CCNJL: variants seen among roughly 807,000 people sequenced by gnomAD.
The protein encoded by CCNJL is cyclin-J-like protein.
CCNJL carries 33 observed loss-of-function variants against 33.4 expected under a neutral mutation model. The observed-to-expected ratio is 0.99, with a 90% confidence interval of 0.75 to 1.32. The LOEUF is 1.32. CCNJL is among the 40% of genes most tolerant of loss of function. The pLI, the probability that CCNJL is intolerant of heterozygous loss-of-function variation, is 0.00. For missense variants in CCNJL, 512 were observed against 499.7 expected (o/e 1.02, Z -0.23); for synonymous variants, 227 against 220.9 (o/e 1.03, Z -0.24).
rs574039512 is a variant in CCNJL at position 160,253,765 on chromosome 5, G to A, written c.777C>T (p.Ala259=). The A allele has an allele frequency of 2.0e-5, 31 of 1,531,102 alleles. No homozygotes were observed. Among genetic ancestry groups the A allele is most frequent in the Admixed American group, 5.9e-5 (3 of 50,842 alleles). The allele number at this position is 1,531,102 out of a possible 1,614,324, so 94.8% of individuals were successfully genotyped here. A position where few individuals can be genotyped will look rare whatever the true frequency, so the allele number is the denominator to read the frequency against. The part of the protein sequence containing the change: ...VYDNVLKDAV[A]VKSQALAMVP... ...CCATTGCCAAGGCCTGGCTCTTGACGGCTACGGCATCCTTGAGGACGTTGT... is the reference window on the plus strand; with the variant it reads ...CCATTGCCAAGGCCTGGCTCTTGACAGCTACGGCATCCTTGAGGACGTTGT... Residue 259 remains alanine (A), a synonymous_variant, in exon 6 of 6, where the codon GCC becomes GCT. Transcript: ENST00000257536.
At chr5:160,310,557 G>A (rs1460240421) in intron 2 of CCNJL, among the ~76,000 whole-genome samples, 1 of 152,194 alleles carries the variant, frequency 6.6e-6, no homozygotes, top group Non-Finnish European at 1.5e-5. Flanking sequence ...GGGGGCTCAG[G>A]TACTGCACTA....
Position 160,253,134 on chromosome 5 carries a change from C to T in CCNJL, c.*244G>A. The T allele has an allele frequency of 2.5e-6, 1 of 406,920 alleles. No individual in the cohort carries two copies. 25.2% of individuals were successfully genotyped at this position (406,920 alleles called of 1,614,324 possible). A position where few individuals can be genotyped will look rare whatever the true frequency, so the allele number is the denominator to read the frequency against. The stretch of plus-strand genomic sequence containing the variant: ...GGGCCCCTGTGTGGGGGGACGGCCA[C>T]CAAGCCATCCTTTTGTACCCTAGCC... On this transcript the variant is annotated 3_prime_UTR_variant, in exon 6 of 6. Coordinates refer to ENST00000257536, the MANE Select transcript of CCNJL (RefSeq NM_001308173.3).
chr5:160,302,067 A>C (rs1411822231), intron 2 of CCNJL, among the ~76,000 whole-genome samples: 2 of 152,182 alleles, frequency 1.3e-5, no homozygotes, highest in Admixed American at 1.3e-4. Context: ...ATGAGTATAT[A>C]CATTTGTCAA....
Position 160,259,699 on chromosome 5 carries a change from TG to T in CCNJL, c.352del (p.Gln118ArgfsTer11). 6.2e-7 allele frequency: 1 copy of T among 1,614,216 alleles called. No homozygotes were observed. Reference sequence around the variant, plus strand: ...CTCCTTCTTGGTGAGGGTGAAGTTCTGGCTGCTCAGGATCCTCGTGCTGTTT... The same window carrying T: ...CTCCTTCTTGGTGAGGGTGAAGTTCTGCTGCTCAGGATCCTCGTGCTGTTT... ...QINSTRILSS[Q>X]NFTLTKKELL... On this transcript the variant is annotated frameshift_variant, in exon 4 of 6. Transcript: ENST00000257536. LOFTEE classifies it high-confidence loss of function.
intron 1 of CCNJL, among the ~76,000 whole-genome samples, chr5:160,338,918 G>A (rs1763716420): frequency 6.6e-6 from 1 of 152,058 alleles, no homozygotes; most frequent in Non-Finnish European, 1.5e-5. Context: ...AGCCTCCTGA[G>A]CAGCTGGGAT....
chr5:160,310,126 G>A (rs1763215764), intron 2 of CCNJL, among the ~76,000 whole-genome samples: 1 of 152,172 alleles, frequency 6.6e-6, no homozygotes, highest in Non-Finnish European at 1.5e-5. Context: ...CCTAAGCTAT[G>A]AGCAGAAATG....
In CCNJL at chr5:160,280,747, C is replaced by T. The variant is rs760052950; in HGVS notation, c.67-9G>A. On this transcript the variant is annotated splice_polypyrimidine_tract_variant and intron_variant, in intron 2 of 5. Coordinates refer to ENST00000257536, the MANE Select transcript of CCNJL (RefSeq NM_001308173.3). ...GTGGGCAGCTTCAGTTCCTGGAGGA[C>T]AGGCGGGGCGGAGGGGTGACGGTCA... The T allele has an allele frequency of 2.5e-6, 4 of 1,579,564 alleles. No homozygotes were observed. Among genetic ancestry groups the T allele is most frequent in the Non-Finnish European group, 3.4e-6 (4 of 1,161,020 alleles).
intron 2 of CCNJL, among the ~76,000 whole-genome samples, chr5:160,305,338 G>A (rs750260435): frequency 7.9e-5 from 12 of 152,100 alleles, no homozygotes; most frequent in Admixed American, 4.6e-4. Context: ...TTCGGCAAGC[G>A]GGGGGGCCCT....
upstream of CCNJL, among the ~76,000 whole-genome samples, chr5:160,317,301 G>T (rs1763391032): frequency 6.6e-6 from 1 of 152,168 alleles, no homozygotes; most frequent in Non-Finnish European, 1.5e-5. Context: ...TCAAAGCCTA[G>T]GACATTCATA....
intron 1 of CCNJL, among the ~76,000 whole-genome samples, chr5:160,334,715 G>A (rs1299954059): frequency 1.3e-5 from 2 of 152,132 alleles, no homozygotes; most frequent in African/African-American, 2.4e-5. Context: ...CGCTGTTGTC[G>A]AGCATTTCTC....
At chr5:160,300,680 A>G (rs1762893864) in intron 2 of CCNJL, among the ~76,000 whole-genome samples, 3 of 151,616 alleles carry the variant, frequency 2.0e-5, no homozygotes, top group Admixed American at 1.3e-4. Flanking sequence ...CGAGGTTCCC[A>G]CTCTTTTTTT....
chr5:160,320,788 CCTTTCTTTCTTT>C (rs70990723), intron 1 of CCNJL, among the ~76,000 whole-genome samples: 5,445 of 116,084 alleles, frequency 0.047, 166 homozygotes, highest in East Asian at 0.095. Context: ...TTCTTTCTTT[CCTTTCTTTCTTT>C]CTTTCTTTCT....
At chr5:160,304,015 T>A (rs1221983928) in intron 2 of CCNJL, among the ~76,000 whole-genome samples, 2 of 152,116 alleles carry the variant, frequency 1.3e-5, no homozygotes, top group Admixed American at 1.3e-4. Flanking sequence ...CCCTGGAGAT[T>A]GATGGGGTAC....
intron 1 of CCNJL, among the ~76,000 whole-genome samples, chr5:160,318,163 C>T (rs780779022): frequency 7.2e-5 from 11 of 152,054 alleles, no homozygotes; most frequent in Non-Finnish European, 1.5e-4. Context: ...ATTACAGGCA[C>T]GCACCACCAT....
chr5:160,264,354 C>T (rs1761483613), intron 3 of CCNJL, among the ~76,000 whole-genome samples: 1 of 152,050 alleles, frequency 6.6e-6, no homozygotes, highest in Non-Finnish European at 1.5e-5. Flanking sequence ...TAAGTGATGC[C>T]TCTTATGTGC....
chr5:160,297,468 G>T (rs1580999764), intron 2 of CCNJL, among the ~76,000 whole-genome samples: 2 of 152,230 alleles, frequency 1.3e-5, no homozygotes, highest in South Asian at 4.1e-4. Flanking sequence ...GAAGATAGAT[G>T]TCCCTAGTGA....
intron 2 of CCNJL, among the ~76,000 whole-genome samples, chr5:160,285,982 G>A (rs571553912): frequency 1.3e-5 from 2 of 152,334 alleles, no homozygotes; most frequent in Admixed American, 6.5e-5. Flanking sequence ...TGCAGACTAC[G>A]TGGGTATTTC....
At chr5:160,262,300 C>T (rs1054935751) in intron 3 of CCNJL, among the ~76,000 whole-genome samples, 1 of 152,196 alleles carries the variant, frequency 6.6e-6, no homozygotes, top group Non-Finnish European at 1.5e-5. Flanking sequence ...CTCCCCTCCT[C>T]GCTTTTCAAA....
intron 2 of CCNJL, among the ~76,000 whole-genome samples, chr5:160,296,771 T>G (rs930958622): frequency 6.6e-6 from 1 of 152,170 alleles, no homozygotes; most frequent in Non-Finnish European, 1.5e-5. Context: ...TGCAGAGAGA[T>G]GAACTTCACA....
Sources: gnomAD v4.1 joint callset for allele counts (sites outside exome capture counted in the v4.1 genomes callset) on GRCh38, gnomAD v4.1.1 for gene constraint, MANE v1.5 for transcripts, NCBI Gene and HGNC (gene_info 2026-07-23, HGNC 2026-07-21) for gene names.